GPR158: variants seen among roughly 807,000 people sequenced by gnomAD.
The protein encoded by GPR158 is G protein-coupled receptor 158.
A neutral mutation model predicts 78.2 loss-of-function variants in GPR158; 30 were observed. The ratio of observed to expected loss-of-function variants is 0.38; its 90% confidence interval spans 0.29 to 0.52. The LOEUF (loss-of-function observed/expected upper bound fraction) is 0.52, where lower values mean the gene tolerates loss of function less well. Ranked by LOEUF, GPR158 falls within the 20% of genes least tolerant of loss-of-function variation. GPR158 has a pLI of 0.83. For missense variants in GPR158, 1,463 were observed against 1,523.5 expected (o/e 0.96, Z 0.66); for synonymous variants, 581 against 591.1 (o/e 0.98, Z 0.25).
intron 2 of GPR158, among the ~76,000 whole-genome samples, chr10:25,293,820 A>G (rs1009665404): frequency 6.6e-6 from 1 of 150,800 alleles, no homozygotes; most frequent in Non-Finnish European, 1.5e-5. Context: ...ATCTTGGCTT[A>G]CTGAAACCTC....
At chr10:25,327,537 T>C (rs1038980060) in intron 2 of GPR158, among the ~76,000 whole-genome samples, 3 of 127,846 alleles carry the variant, frequency 2.3e-5, no homozygotes, top group African/African-American at 9.5e-5. Context: ...TGACTTCACT[T>C]TCTCAGCTCT....
At chr10:25,220,935 G>A (rs987218483) in intron 1 of GPR158, 117 bp from the exon 2 acceptor site, 1 of 632,750 alleles carries the variant, frequency 1.6e-6, no homozygotes, top group Non-Finnish European at 2.7e-6. Flanking sequence ...ATATGAGTAG[G>A]CAATTTGACA....
At chr10:25,542,784 A>C (rs778742860) in intron 5 of GPR158, among the ~76,000 whole-genome samples, 1 of 140,746 alleles carries the variant, frequency 7.1e-6, no homozygotes, top group Non-Finnish European at 1.5e-5. Flanking sequence ...AGATCACACC[A>C]TTGCACTCCA....
At chr10:25,253,035 G>T (rs1014194344) in intron 2 of GPR158, among the ~76,000 whole-genome samples, 13 of 152,030 alleles carry the variant, frequency 8.6e-5, no homozygotes, top group African/African-American at 2.4e-4. Context: ...TTCTTAAGCC[G>T]GTCTGAAAAG....
chr10:25,269,042 A>G (rs1854081381), intron 2 of GPR158, among the ~76,000 whole-genome samples: 1 of 152,180 alleles, frequency 6.6e-6, no homozygotes, highest in Non-Finnish European at 1.5e-5. Context: ...CACCTATACA[A>G]TGGACATAAT....
intron 7 of GPR158, among the ~76,000 whole-genome samples, chr10:25,581,819 C>T (rs1358081644): frequency 6.6e-6 from 1 of 152,074 alleles, no homozygotes; most frequent in South Asian, 2.1e-4. Context: ...CCAAACAATA[C>T]CCATGCAAAT....
At chr10:25,487,636 G>GT (rs1433733955) in intron 5 of GPR158, among the ~76,000 whole-genome samples, 1 of 152,134 alleles carries the variant, frequency 6.6e-6, no homozygotes, top group African/African-American at 2.4e-5. Context: ...TTCCTTATCT[G>GT]TAAGTTGAAA....
intron 5 of GPR158, among the ~76,000 whole-genome samples, chr10:25,544,418 C>T (rs1836632120): frequency 6.6e-6 from 1 of 152,042 alleles, no homozygotes; most frequent in African/African-American, 2.4e-5. Context: ...CCCATTACAA[C>T]TCAGTCTGTT....
intron 2 of GPR158, among the ~76,000 whole-genome samples, chr10:25,388,751 A>C (rs1834254264): frequency 6.6e-6 from 1 of 152,180 alleles, no homozygotes; most frequent in South Asian, 2.1e-4. Context: ...CAGCTGCCCA[A>C]GTTGTGGCTG....
chr10:25,367,065 T>G lies in GPR158; in HGVS notation c.1009-28846T>G, dbSNP rs574180082. Among the ~76,000 whole-genome samples, 6 of 151,778 alleles carry G rather than the reference T, an allele frequency of 4.0e-5. No homozygotes were observed. The South Asian group carries it at 1.2e-3, about 31-fold the overall frequency. On this transcript the variant is annotated intron_variant, in intron 2 of 10. Coordinates refer to ENST00000376351, the MANE Select transcript of GPR158 (RefSeq NM_020752.3). ...TAATTTTAATGTATTTCTTTATATT[T>G]AATAATACCCCAAATCATGAAGTTT...
chr10:25,447,162 A>G (rs1479259109), intron 4 of GPR158, among the ~76,000 whole-genome samples: 2 of 152,220 alleles, frequency 1.3e-5, no homozygotes, highest in African/African-American at 4.8e-5. Flanking sequence ...ATTTAACAAT[A>G]GATTTATAGA....
At chr10:25,494,993 G>A (rs1244617344) in intron 5 of GPR158, among the ~76,000 whole-genome samples, 1 of 151,954 alleles carries the variant, frequency 6.6e-6, no homozygotes, top group Non-Finnish European at 1.5e-5. Context: ...TGAAACCCTG[G>A]GAAAGACAAA....
At chr10:25,546,680 C>T (rs1836666017) in intron 5 of GPR158, among the ~76,000 whole-genome samples, 1 of 152,160 alleles carries the variant, frequency 6.6e-6, no homozygotes. Context: ...GTGCCAATGT[C>T]ACAGAAGTGA....
At chr10:25,337,943 A>G (rs1480656171) in intron 2 of GPR158, among the ~76,000 whole-genome samples, 2 of 152,006 alleles carry the variant, frequency 1.3e-5, no homozygotes, top group Non-Finnish European at 2.9e-5. Flanking sequence ...TGAAATTAAT[A>G]TTTAAGTATT....
chr10:25,197,934 G>A (rs1852865825), intron 1 of GPR158, among the ~76,000 whole-genome samples: 1 of 152,112 alleles, frequency 6.6e-6, no homozygotes, highest in Non-Finnish European at 1.5e-5. Flanking sequence ...GTTCTTTAAA[G>A]AACCCTGTGG....
intron 6 of GPR158, among the ~76,000 whole-genome samples, chr10:25,552,307 G>A (rs1297118185): frequency 2.6e-5 from 4 of 152,044 alleles, no homozygotes; most frequent in African/African-American, 4.8e-5. Flanking sequence ...ACTTCCCTCC[G>A]GCATCCTTCT....
At chr10:25,374,295 T>C (rs1430228602) in intron 2 of GPR158, among the ~76,000 whole-genome samples, 1 of 151,570 alleles carries the variant, frequency 6.6e-6, no homozygotes, top group African/African-American at 2.4e-5. Flanking sequence ...TTGCAGAAGA[T>C]ATAGAGGGAG....
chr10:25,509,589 A>G (rs1272143048), intron 5 of GPR158, among the ~76,000 whole-genome samples: 1 of 152,234 alleles, frequency 6.6e-6, no homozygotes. Flanking sequence ...TAACTGAAAC[A>G]TATACACCTA....
intron 5 of GPR158, among the ~76,000 whole-genome samples, chr10:25,482,333 G>A (rs961363335): frequency 6.6e-6 from 1 of 151,934 alleles, no homozygotes; most frequent in Non-Finnish European, 1.5e-5. Flanking sequence ...ATAGGTGTAT[G>A]CCACCACACC....
Sources: allele counts gnomAD v4.1 joint callset (sites outside exome capture counted in the v4.1 genomes callset), GRCh38; gene constraint gnomAD v4.1.1; transcripts MANE v1.5; gene names NCBI Gene and HGNC (gene_info 2026-07-23, HGNC 2026-07-21).